SPOCK1: variants seen among roughly 807,000 people sequenced by gnomAD.
SPOCK1 encodes the protein SPARC (osteonectin), cwcv and kazal like domains proteoglycan 1.
SPOCK1 carries 23 observed loss-of-function variants against 55.3 expected under a neutral mutation model. The observed-to-expected ratio is 0.42, with a 90% CI of 0.30 to 0.59. The LOEUF (loss-of-function observed/expected upper bound fraction) is 0.59. SPOCK1 is among the 20% of genes least tolerant of loss of function. SPOCK1 has a pLI of 0.22. For missense variants in SPOCK1, 499 were observed against 552.5 expected (o/e 0.90, Z 0.97); for synonymous variants, 226 against 221.0 (o/e 1.02, Z -0.20).
At position 137,112,537 on chromosome 5, in the gene SPOCK1, C is replaced by G. The variant is rs2127032629; in HGVS notation, c.372G>C (p.Gln124His). 1 of 1,613,574 alleles carries G rather than the reference C, an allele frequency of 6.2e-7. No individual in the cohort carries two copies. The change falls in exon 5 of 11, where the codon CAG becomes CAC. Residue 124 changes from glutamine (Q) to histidine (H), a missense_variant. By Grantham distance (24) the Gln-to-His change is conservative. Around this residue, in one of 3 missense-constraint regions of SPOCK1, gnomAD observed 386 missense variants for 400.6 expected, o/e 0.96. Transcript: ENST00000394945. ...AATTCGAAGGTCCAACCCAGTGTTT[C>G]TGGGCCACGTTCCCCTTCTTTTGCC... ...LPRQKKGNVA[Q>H]KHWVGPSNLV...
In SPOCK1 at chr5:137,244,436, A is replaced by G. The variant is rs990893318; in HGVS notation, c.232+22574T>C. Among the ~76,000 whole-genome samples, 16 of 152,232 alleles carry G rather than the reference A, an allele frequency of 1.1e-4. 1 individual carries two copies. Among genetic ancestry groups the G allele is most frequent in the Admixed American group, 2.0e-4 (3 of 15,286 alleles). On this transcript the variant is annotated intron_variant, in intron 3 of 10. Transcript: ENST00000394945. ...ACACATAACAGAATTTGAAGGGGGA[A>G]AAAACCATTTTTGAGGCAACTAAAA... is the stretch of plus-strand genomic sequence containing the variant.
Position 137,163,241 on chromosome 5 carries a change from T to G in SPOCK1, c.233-22547A>C, listed in dbSNP as rs148101040. ...AGCACTGGTTTTGGTGCTGGAAATATAGCAGTAAATGGAAAAGAAAAATCC... is the reference window on the plus strand; with the variant it reads ...AGCACTGGTTTTGGTGCTGGAAATAGAGCAGTAAATGGAAAAGAAAAATCC... On this transcript the variant is annotated intron_variant, in intron 3 of 10. Coordinates refer to ENST00000394945, the MANE Select transcript of SPOCK1 (RefSeq NM_004598.4). Among the ~76,000 whole-genome samples the G allele has an allele frequency of 6.9e-3, 1,046 of 152,312 alleles. 14 individuals are homozygous for G. Among genetic ancestry groups the G allele is most frequent in the African/African-American group, 0.023 (959 of 41,564 alleles).
At chr5:137,250,655 G>A (rs912831198) in intron 3 of SPOCK1, among the ~76,000 whole-genome samples, 5 of 150,656 alleles carry the variant, frequency 3.3e-5, no homozygotes, top group African/African-American at 1.0e-4. Context: ...TTCCAAGAGA[G>A]CCTCAAGAGG....
chr5:137,003,975 A>G (rs750790989), intron 6 of SPOCK1, among the ~76,000 whole-genome samples: 1 of 152,152 alleles, frequency 6.6e-6, no homozygotes, highest in Non-Finnish European at 1.5e-5. Flanking sequence ...CTTAAAATGA[A>G]TGCAGAGAAC....
At chr5:136,982,872 T>C (rs1181456732) in intron 9 of SPOCK1, among the ~76,000 whole-genome samples, 1 of 150,390 alleles carries the variant, frequency 6.6e-6, no homozygotes, top group Non-Finnish European at 1.5e-5. Context: ...AGTACCAGAG[T>C]ACCTCTGTCA....
At chr5:137,121,365 G>A (rs1024207593) in intron 4 of SPOCK1, among the ~76,000 whole-genome samples, 1 of 151,838 alleles carries the variant, frequency 6.6e-6, no homozygotes, top group African/African-American at 2.4e-5. Context: ...CAAGACATTT[G>A]CTATTAATTT....
intron 2 of SPOCK1, among the ~76,000 whole-genome samples, chr5:137,342,034 C>G (rs1008515293): frequency 1.3e-5 from 2 of 152,234 alleles, no homozygotes; most frequent in African/African-American, 4.8e-5. Flanking sequence ...TGTGGGTACA[C>G]AGGCCTGCCC....
In SPOCK1 at chr5:136,988,477, G is replaced by A; in HGVS notation, c.873C>T (p.Phe291=). ...CATTGTTAGAAAGCTTGCCATCCTT[G>A]AAGGAGTCACACGAGTTGAAAAGAG... ...IKPLFNSCDS[F]KDGKLSNNEW... The change falls in exon 8 of 11, where the codon TTC becomes TTT. Residue 291 remains phenylalanine, a synonymous_variant. Transcript: ENST00000394945. 6.2e-7 allele frequency: 1 copy of A among 1,614,104 alleles called. No homozygotes were observed. The highest frequency in any genetic ancestry group is 8.5e-7 in the Non-Finnish European group (1 of 1,179,984).
intron 4 of SPOCK1, among the ~76,000 whole-genome samples, chr5:137,113,935 A>G (rs895804080): frequency 1.3e-5 from 2 of 152,186 alleles, no homozygotes; most frequent in African/African-American, 4.8e-5. Context: ...CCCTCTTCCA[A>G]ATGAAGGAAA....
chr5:136,985,382 C>T (rs995825063), intron 8 of SPOCK1, among the ~76,000 whole-genome samples, 180 bp from the exon 9 acceptor site: 1 of 152,150 alleles, frequency 6.6e-6, no homozygotes, highest in African/African-American at 2.4e-5. Flanking sequence ...AAAAAACAAA[C>T]CTCATACCAC....
chr5:137,033,625 C>T (rs946271412), intron 6 of SPOCK1, among the ~76,000 whole-genome samples: 14 of 152,208 alleles, frequency 9.2e-5, no homozygotes, highest in African/African-American at 3.4e-4. Context: ...CAAATCCTTC[C>T]AGCCTCAGAT....
At chr5:137,257,931 C>A (rs1265973764) in intron 3 of SPOCK1, among the ~76,000 whole-genome samples, 3 of 152,332 alleles carry the variant, frequency 2.0e-5, no homozygotes, top group Admixed American at 2.0e-4. Context: ...TCACACTCCC[C>A]TCCACAGTCC....
intron 2 of SPOCK1, among the ~76,000 whole-genome samples, chr5:137,356,838 T>TATATAGAGAG (rs1554077335): frequency 1.5e-3 from 8 of 5,458 alleles, no homozygotes; most frequent in Admixed American, 2.8e-3. Context: ...TATATATATA[T>TATATAGAGAG]AGAGAGAGAG....
At chr5:137,205,056 G>A (rs1032384436) in intron 3 of SPOCK1, among the ~76,000 whole-genome samples, 10 of 152,068 alleles carry the variant, frequency 6.6e-5, no homozygotes, top group East Asian at 5.8e-4. Context: ...ATCACCGTAC[G>A]CCATTTGTTT....
intron 2 of SPOCK1, among the ~76,000 whole-genome samples, chr5:137,446,835 C>T (rs750398780): frequency 8.5e-5 from 13 of 152,180 alleles, no homozygotes; most frequent in Non-Finnish European, 1.6e-4. Flanking sequence ...CTCTTGGCAA[C>T]GACCATCCTA....
chr5:136,989,082 T>C (rs1268161112), intron 7 of SPOCK1, among the ~76,000 whole-genome samples: 1 of 152,192 alleles, frequency 6.6e-6, no homozygotes, highest in Non-Finnish European at 1.5e-5. Context: ...TGAAACAACA[T>C]AGCATAATCC....
At chr5:137,422,162 G>T (rs1752513105) in intron 2 of SPOCK1, among the ~76,000 whole-genome samples, 1 of 152,222 alleles carries the variant, frequency 6.6e-6, no homozygotes, top group Non-Finnish European at 1.5e-5. Context: ...TCTGCCGAGA[G>T]ATACGCTGTT....
chr5:137,317,868 G>A (rs912123531), intron 2 of SPOCK1, among the ~76,000 whole-genome samples: 3 of 152,170 alleles, frequency 2.0e-5, no homozygotes, highest in African/African-American at 7.2e-5. Flanking sequence ...GATCCGCATA[G>A]CTATCAATTT....
rs541411065 is a variant in SPOCK1 at position 137,212,974 on chromosome 5, T to C, written c.232+54036A>G. On this transcript the variant is annotated intron_variant, in intron 3 of 10. Coordinates refer to ENST00000394945, the MANE Select transcript of SPOCK1 (RefSeq NM_004598.4). ...ACCAGGGGGCAGGTGCTCAGCCAGGTCTAGGGGAGGTCAAGGCCATGAGTC... is the reference window on the plus strand; with the variant it reads ...ACCAGGGGGCAGGTGCTCAGCCAGGCCTAGGGGAGGTCAAGGCCATGAGTC... Among the ~76,000 whole-genome samples the C allele has an allele frequency of 3.3e-5, 5 of 152,140 alleles. No individual in the cohort carries two copies. The South Asian group carries it at 1.0e-3, about 32-fold the overall frequency.
Sources: gnomAD v4.1 joint callset for allele counts (sites outside exome capture counted in the v4.1 genomes callset) on GRCh38, gnomAD v4.1.1 for gene constraint, gnomAD v4.1.1 regional missense constraint, MANE v1.5 for transcripts, NCBI Gene and HGNC (gene_info 2026-07-23, HGNC 2026-07-21) for gene names.